CNKSR2: variants seen among roughly 807,000 people sequenced by gnomAD.
The protein encoded by CNKSR2 is connector enhancer of kinase suppressor of Ras 2.
In CNKSR2, 14 loss-of-function variants were observed where a neutral mutation model predicts 84.4. The observed-to-expected ratio is 0.17, with a 90% CI of 0.11 to 0.26. CNKSR2 has a LOEUF of 0.26. Ranked by LOEUF, CNKSR2 falls within the 10% of genes least tolerant of loss-of-function variation. The pLI, the probability that CNKSR2 is intolerant of heterozygous loss-of-function variation, is 1.00. For synonymous variants in CNKSR2, 275 were observed against 277.9 expected, an observed-to-expected ratio of 0.99 and a Z score of 0.10; for missense variants, 485 against 771.2, an observed-to-expected ratio of 0.63 and a Z score of 4.40.
At position 21,605,181 on chromosome X, in the gene CNKSR2, C is replaced by T. The variant is rs920767386; in HGVS notation, c.2045-1598C>T. On this transcript the variant is annotated intron_variant, in intron 18 of 21. Coordinates refer to ENST00000379510, the MANE Select transcript of CNKSR2 (RefSeq NM_014927.5). Reference sequence around the variant, plus strand: ...GATGGGAAGTGGTCTAGCTAAGATTCGAACCTACACCTGTCTGACTATATA... The same window carrying T: ...GATGGGAAGTGGTCTAGCTAAGATTTGAACCTACACCTGTCTGACTATATA... 1.5e-4 allele frequency among the ~76,000 whole-genome samples: 17 copies of T among 111,548 alleles called. No homozygotes were observed. In the South Asian group the frequency reaches 2.3e-3, roughly 15 times the overall value.
intron 4 of CNKSR2, among the ~76,000 whole-genome samples, chrX:21,453,748 A>G (rs1435581318): frequency 8.9e-6 from 1 of 111,929 alleles, no homozygotes; most frequent in East Asian, 2.8e-4. Context: ...TGCAGGCTGT[A>G]CAGGAAGCAT....
chrX:21,647,360 C>CTTTT (rs1359792881), intron 20 of CNKSR2, among the ~76,000 whole-genome samples: 2 of 111,582 alleles, frequency 1.8e-5, no homozygotes, highest in African/African-American at 6.5e-5. Flanking sequence ...TAAAAATGAC[C>CTTTT]TTTTTAGGTT....
intron 1 of CNKSR2, among the ~76,000 whole-genome samples, chrX:21,390,904 A>G (rs1172957760): frequency 8.9e-6 from 1 of 112,155 alleles, no homozygotes; most frequent in African/African-American, 3.2e-5. Context: ...CATTGGGTAA[A>G]TACACCCATT....
At chrX:21,377,837 G>A (rs2146937843) in intron 1 of CNKSR2, among the ~76,000 whole-genome samples, 1 of 111,201 alleles carries the variant, frequency 9.0e-6, no homozygotes, top group African/African-American at 3.3e-5. Flanking sequence ...AGATTATTAA[G>A]CTTTAGTGGC....
Position 21,572,626 on chromosome X carries a change from G to A in CNKSR2, c.1608+9174G>A, listed in dbSNP as rs763264334. Among the ~76,000 whole-genome samples the A allele has an allele frequency of 1.1e-4, 12 of 111,385 alleles. No individual in the cohort carries two copies. In the South Asian group the frequency reaches 3.4e-3, roughly 32 times the overall value. On this transcript the variant is annotated intron_variant, in intron 13 of 21. Transcript: ENST00000379510. The stretch of plus-strand genomic sequence containing the variant: ...TCACATGGCGACAGCAAGGAAAACC[G>A]CAGAGCAAAGCGGGAGAGGGGAAGC...
chrX:21,550,371 C>T (rs2092075278), intron 11 of CNKSR2, among the ~76,000 whole-genome samples: 1 of 112,032 alleles, frequency 8.9e-6, no homozygotes, highest in Admixed American at 9.4e-5. Flanking sequence ...AGTGAGATAC[C>T]ATCTCATGCC....
At chrX:21,519,898 T>C (rs926165693) in intron 9 of CNKSR2, among the ~76,000 whole-genome samples, 3 of 111,159 alleles carry the variant, frequency 2.7e-5, no homozygotes, top group Non-Finnish European at 3.8e-5. Context: ...TTTAAACTTA[T>C]AAGGAATCGT....
intron 20 of CNKSR2, among the ~76,000 whole-genome samples, chrX:21,631,323 T>C (rs1041861548): frequency 9.0e-6 from 1 of 111,469 alleles, no homozygotes. Flanking sequence ...TGTCTCTAAA[T>C]AAATAAATAA....
chrX:21,547,560 A>C (rs2092039618), intron 11 of CNKSR2, among the ~76,000 whole-genome samples: 1 of 111,622 alleles, frequency 9.0e-6, no homozygotes, highest in Non-Finnish European at 1.9e-5. Context: ...ACTTGAACTC[A>C]GCTCTGGACC....
intron 1 of CNKSR2, among the ~76,000 whole-genome samples, chrX:21,375,248 C>T (rs2089792538): frequency 8.9e-6 from 1 of 112,812 alleles, no homozygotes; most frequent in Admixed American, 9.2e-5. Flanking sequence ...ATCTTGCGTA[C>T]TCCCCTCTCC....
chrX:21,538,987 A>C (rs1000972380), intron 11 of CNKSR2: 1 of 111,657 alleles, frequency 9.0e-6, no homozygotes, highest in Non-Finnish European at 1.9e-5. Flanking sequence ...TCAAATATTA[A>C]TCTCCTTTGG....
intron 20 of CNKSR2, among the ~76,000 whole-genome samples, chrX:21,615,582 C>T (rs1174780336): frequency 1.8e-5 from 2 of 111,395 alleles, no homozygotes; most frequent in Non-Finnish European, 3.8e-5. Flanking sequence ...TCAGAAAGCA[C>T]CTTAGATCCA....
At chrX:21,489,611 A>G (rs1230132053) in intron 5 of CNKSR2, among the ~76,000 whole-genome samples, 2 of 111,902 alleles carry the variant, frequency 1.8e-5, no homozygotes, top group Non-Finnish European at 3.8e-5. Context: ...TTAAAATACC[A>G]TGATAGCTGT....
In CNKSR2 at chrX:21,374,611, CAGCAGCAGCAGCAGCAGCA is replaced by C. The variant is rs2146928695; in HGVS notation, c.-286_-268del. ...GCGGCGGAGGCAGCAGCAGCAGCAGCAGCAGCAGCAGCAGCAGCAGCCGCCGCCGCCGCCGCCTTAGCGG... is the reference window on the plus strand; with the variant it reads ...GCGGCGGAGGCAGCAGCAGCAGCAGCGCCGCCGCCGCCGCCGCCTTAGCGG... On this transcript the variant is annotated 5_prime_UTR_variant, in exon 1 of 22. Coordinates refer to ENST00000379510, the MANE Select transcript of CNKSR2 (RefSeq NM_014927.5). The C allele has an allele frequency of 9.9e-6, 5 of 503,331 alleles. No homozygotes were observed. Among genetic ancestry groups the C allele is most frequent in the Middle Eastern group, 5.2e-4 (1 of 1,905 alleles). The allele number at this position is 503,331 out of a possible 1,213,427, so 41.5% of individuals were successfully genotyped here. A position where few individuals can be genotyped will look rare whatever the true frequency, so the allele number is the denominator to read the frequency against.
chrX:21,491,283 A>G (rs2091439628), intron 6 of CNKSR2: 1 of 111,861 alleles, frequency 8.9e-6, no homozygotes, highest in Non-Finnish European at 1.9e-5. Context: ...TGGCTAGAGA[A>G]TATCTTAACT....
chrX:21,389,056 C>A (rs1018859278), intron 1 of CNKSR2, among the ~76,000 whole-genome samples: 3 of 107,742 alleles, frequency 2.8e-5, no homozygotes, highest in Non-Finnish European at 5.7e-5. Context: ...AAACCCATAA[C>A]CCCATTCTAA....
Position 21,374,826 on chromosome X carries a change from G to C in CNKSR2, c.-72G>C. On this transcript the variant is annotated 5_prime_UTR_variant, in exon 1 of 22. Coordinates refer to ENST00000379510, the MANE Select transcript of CNKSR2 (RefSeq NM_014927.5). ...CTGCGGCCAGCAAGGGACCCCACCTGAGAGCAGCTCGGGCTGCTGAGTTCG... is the reference window on the plus strand; with the variant it reads ...CTGCGGCCAGCAAGGGACCCCACCTCAGAGCAGCTCGGGCTGCTGAGTTCG... The C allele has an allele frequency of 1.0e-6, 1 of 966,783 alleles. No homozygotes were observed. Among genetic ancestry groups the C allele is most frequent in the South Asian group, 1.9e-5 (1 of 51,902 alleles). 79.7% of individuals were successfully genotyped at this position (966,783 alleles called of 1,213,427 possible).
intron 5 of CNKSR2, among the ~76,000 whole-genome samples, chrX:21,475,276 G>A (rs1279674974): frequency 9.0e-6 from 1 of 111,713 alleles, no homozygotes; most frequent in Non-Finnish European, 1.9e-5. Context: ...CACATTGTAT[G>A]CCTGTATCCA....
chrX:21,401,421 G>A (rs892872051), intron 1 of CNKSR2, among the ~76,000 whole-genome samples: 2 of 111,799 alleles, frequency 1.8e-5, no homozygotes, highest in Non-Finnish European at 3.8e-5. Context: ...CAAAGATCTG[G>A]CTCTAAAATA....
Sources: gnomAD v4.1 joint callset for allele counts (sites outside exome capture counted in the v4.1 genomes callset) on GRCh38, gnomAD v4.1.1 for gene constraint, MANE v1.5 for transcripts, NCBI Gene and HGNC (gene_info 2026-07-23, HGNC 2026-07-21) for gene names.